The following PRSS12 variants were observed in gnomAD, a reference collection of about 807,000 sequenced individuals.
PRSS12 encodes serine protease 12.
PRSS12 carries 85 observed loss-of-function variants against 104.4 expected under a neutral mutation model. The observed-to-expected ratio is 0.81, with a 90% CI of 0.68 to 0.98. PRSS12 has a LOEUF of 0.98. PRSS12 is among the 50% of genes least tolerant of loss of function. PRSS12 has a pLI of 0.00. For synonymous variants in PRSS12, 454 were observed against 425.2 expected (o/e 1.07, Z -0.83); for missense variants, 1,141 against 1,139.2 (o/e 1.00, Z -0.02).
intron 11 of PRSS12, 138 bp downstream of exon 11, chr4:118,294,801 C>A (rs1053981647): frequency 1.6e-6 from 2 of 1,230,812 alleles, no homozygotes; most frequent in Non-Finnish European, 2.4e-6. Context: ...GTCACTCCCT[C>A]ATTCCACAGG....
chr4:118,282,319 A>G (rs1742902226), intron 12 of PRSS12, 76 bp from the exon 13 acceptor site: 1 of 1,558,942 alleles, frequency 6.4e-7, no homozygotes, highest in Non-Finnish European at 8.8e-7. Context: ...AGCATGTAAT[A>G]GTTATGAAAA....
intron 1 of PRSS12, among the ~76,000 whole-genome samples, chr4:118,347,077 TAA>T (rs556055223): frequency 2.1e-5 from 3 of 144,282 alleles, no homozygotes; most frequent in Admixed American, 1.4e-4. Context: ...TTGTCTTCTC[TAA>T]AAAAAAAAAA....
At chr4:118,282,346 G>T in intron 12 of PRSS12, 103 bp from the exon 13 acceptor site, 1 of 1,459,776 alleles carries the variant, frequency 6.9e-7, no homozygotes, top group Non-Finnish European at 9.5e-7. Flanking sequence ...CCCTGTTGTG[G>T]CATTAGTGTA....
At chr4:118,342,119 G>T (rs1724229628) in intron 1 of PRSS12, among the ~76,000 whole-genome samples, 1 of 152,152 alleles carries the variant, frequency 6.6e-6, no homozygotes, top group Non-Finnish European at 1.5e-5. Context: ...GTTGTAGGAG[G>T]ACTATGAACG....
At chr4:118,290,653 T>C (rs1743106533) in intron 11 of PRSS12, among the ~76,000 whole-genome samples, 2 of 152,166 alleles carry the variant, frequency 1.3e-5, no homozygotes, top group Non-Finnish European at 2.9e-5. Context: ...CATTATTATC[T>C]TCATTTTACA....
intron 1 of PRSS12, among the ~76,000 whole-genome samples, chr4:118,351,449 T>G (rs1427425496): frequency 6.6e-6 from 1 of 152,214 alleles, no homozygotes; most frequent in Non-Finnish European, 1.5e-5. Flanking sequence ...TGTGATGCTT[T>G]TATTACCACA....
chr4:118,335,975 C>T (rs891797750), intron 2 of PRSS12, among the ~76,000 whole-genome samples: 8 of 152,098 alleles, frequency 5.3e-5, no homozygotes, highest in African/African-American at 1.2e-4. Context: ...AGGTGTGTCA[C>T]GAGCTTCAGT....
At chr4:118,322,104 G>C (rs1230320216) in intron 4 of PRSS12, among the ~76,000 whole-genome samples, 1 of 152,060 alleles carries the variant, frequency 6.6e-6, no homozygotes, top group Admixed American at 6.6e-5. Context: ...AACGTTTTGT[G>C]CAATGAAAGC....
chr4:118,299,775 A>AAATAAAAT (rs1560768401), intron 8 of PRSS12, among the ~76,000 whole-genome samples: 19 of 61,704 alleles, frequency 3.1e-4, no homozygotes, highest in Non-Finnish European at 5.7e-4. Context: ...TAAATAAAAT[A>AAATAAAAT]AAATAAAATA....
Position 118,331,845 on chromosome 4 carries a change from C to T in PRSS12, c.842G>A (p.Arg281His), listed in dbSNP as rs199814947. Reference sequence around the variant, plus strand: ...ATGCACACTGCTGCCTCCAGCAAGGCGAATGATGGGGAACGTTGGGCCTGT... The same window carrying T: ...ATGCACACTGCTGCCTCCAGCAAGGTGAATGATGGGGAACGTTGGGCCTGT... ...FSHGPTFPII[R>H]LAGGSSVHEG... Residue 281 changes from arginine to histidine, a missense_variant, in exon 4 of 13, where the codon CGC becomes CAC. Arg to His is a conservative substitution (Grantham distance 29). Transcript: ENST00000296498. 4.3e-6 allele frequency: 7 copies of T among 1,613,926 alleles called. No individual in the cohort carries two copies. In the East Asian group the frequency reaches 6.7e-5, roughly 15 times the overall value.
chr4:118,316,904 C>T lies in PRSS12; in HGVS notation c.1151-581G>A, dbSNP rs566736411. 8.9e-5 allele frequency among the ~76,000 whole-genome samples: 13 copies of T among 146,296 alleles called. No homozygotes were observed. The South Asian group carries it at 2.6e-3, about 29-fold the overall frequency. ...CTATTCTCTATGTAGAAAAATATATCCTGATATAATTCCAAAGTATCTATT... is the reference window on the plus strand; with the variant it reads ...CTATTCTCTATGTAGAAAAATATATTCTGATATAATTCCAAAGTATCTATT... On this transcript the variant is annotated intron_variant, in intron 5 of 12. Transcript: ENST00000296498.
chr4:118,299,795 AAATAAAAT>A (rs1560768461), intron 8 of PRSS12, among the ~76,000 whole-genome samples: 3 of 68,418 alleles, frequency 4.4e-5, no homozygotes, highest in Non-Finnish European at 1.1e-4. Flanking sequence ...AAAATAAAAT[AAATAAAAT>A]AAAATAAATA....
intron 1 of PRSS12, among the ~76,000 whole-genome samples, chr4:118,340,051 T>C (rs374991309): frequency 3.3e-5 from 5 of 152,210 alleles, no homozygotes; most frequent in African/African-American, 7.2e-5. Context: ...TAAAATAGTG[T>C]CTACATCAAA....
chr4:118,331,586 A>T, intron 4 of PRSS12, 130 bp downstream of exon 4: 1 of 1,284,600 alleles, frequency 7.8e-7, no homozygotes, highest in Non-Finnish European at 1.1e-6. Flanking sequence ...CAGCCCTACT[A>T]CAAAGATCAA....
intron 11 of PRSS12, among the ~76,000 whole-genome samples, chr4:118,287,043 CTG>C (rs1305651006): frequency 6.6e-6 from 1 of 152,172 alleles, no homozygotes; most frequent in Non-Finnish European, 1.5e-5. Context: ...TTATATTAAA[CTG>C]AGAATAAAAA....
intron 9 of PRSS12, among the ~76,000 whole-genome samples, chr4:118,296,336 A>G (rs916199186): frequency 2.6e-5 from 4 of 152,226 alleles, no homozygotes; most frequent in Non-Finnish European, 4.4e-5. Flanking sequence ...CTGAATTTAC[A>G]TTTACTTAGC....
chr4:118,303,801 T>G (rs1459427841), intron 8 of PRSS12: 1 of 152,024 alleles, frequency 6.6e-6, no homozygotes, highest in East Asian at 1.9e-4. Context: ...AAAATTTCTC[T>G]TCTCTCACTT....
chr4:118,295,179 G>C, intron 10 of PRSS12, 118 bp from the exon 11 acceptor site: 26 of 1,292,438 alleles, frequency 2.0e-5, no homozygotes, highest in Admixed American at 4.0e-5. Context: ...GAAAAGGAAA[G>C]CAAAAGGGAC....
Position 118,282,921 on chromosome 4 carries a change from T to C in PRSS12, c.2230A>G (p.Ser744Gly). 1 of 1,614,220 alleles carries C rather than the reference T, an allele frequency of 6.2e-7. No homozygotes were observed. The highest frequency in any genetic ancestry group is 2.2e-5 in the East Asian group (1 of 44,874). ...GGTAAACAGGCTGGCAAAACATGGC[T>C]GCTGAATCTGGCACATTGCTCTTCT... is the stretch of plus-strand genomic sequence containing the variant. ...GPEEQCARFS[S>G]HVLPACLPLW... Residue 744 changes from serine to glycine, a missense_variant, in exon 12 of 13, where the codon AGC (serine) becomes GGC (glycine). By Grantham distance (56) the Ser-to-Gly change is moderately conservative. Coordinates refer to ENST00000296498, the MANE Select transcript of PRSS12 (RefSeq NM_003619.4).
Sources: allele counts gnomAD v4.1 joint callset (sites outside exome capture counted in the v4.1 genomes callset), GRCh38; gene constraint gnomAD v4.1.1; transcripts MANE v1.5; gene names NCBI Gene and HGNC (gene_info 2026-07-23, HGNC 2026-07-21).